The following MGA variants were observed in gnomAD, a reference collection of about 807,000 sequenced individuals.
The protein encoded by MGA is MAX dimerization protein MGA.
MGA carries 40 observed loss-of-function variants against 261.1 expected under a neutral mutation model. The observed-to-expected ratio is 0.15, with a 90% CI of 0.12 to 0.20. The LOEUF is 0.20. Among genes scored for constraint, MGA ranks in the 10% least tolerant of loss-of-function variants. MGA has a pLI of 1.00. For synonymous variants in MGA, 1,302 were observed against 1,290.6 expected, an observed-to-expected ratio of 1.01 and a Z score of -0.19; for missense variants, 3,397 against 3,630.5, an observed-to-expected ratio of 0.94 and a Z score of 1.65.
intron 7 of MGA, 53 bp downstream of exon 7, chr15:41,708,261 CT>C: frequency 2.4e-6 from 3 of 1,262,398 alleles, no homozygotes; most frequent in Non-Finnish European, 3.3e-6. Context: ...AGCCAGAAAC[CT>C]TTTGTTAAAA....
intron 2 of MGA, chr15:41,691,592 T>C (rs377390756): frequency 3.6e-5 from 18 of 503,304 alleles, no homozygotes; most frequent in African/African-American, 5.8e-5. Flanking sequence ...AGAACTGATA[T>C]ATTTGTCTTA....
At chr15:41,759,548 T>A (rs1293039312) in intron 19 of MGA, among the ~76,000 whole-genome samples, 1 of 145,176 alleles carries the variant, frequency 6.9e-6, no homozygotes, top group Admixed American at 7.0e-5. Flanking sequence ...AGTGATCCCC[T>A]ACCTTGGCGT....
At chr15:41,757,890 A>G (rs2063234748) in intron 19 of MGA, 51 bp downstream of exon 19, 3 of 1,474,312 alleles carry the variant, frequency 2.0e-6, no homozygotes, top group South Asian at 1.2e-5. Flanking sequence ...AATTGTTAAC[A>G]TTTATCTTAG....
chr15:41,661,345 G>GC (rs543970577), intron 1 of MGA, among the ~76,000 whole-genome samples: 1,208 of 84,172 alleles, frequency 0.014, 12 homozygotes, highest in African/African-American at 0.049. Context: ...CCCCCCCACC[G>GC]CCCCCCCAAA....
rs1473081358 is a variant in MGA, at chr15:41,742,702, T to A, written c.4742T>A (p.Val1581Glu). 1 of 1,613,914 alleles carries A rather than the reference T, an allele frequency of 6.2e-7. No individual in the cohort carries two copies. The highest frequency in any genetic ancestry group is 8.5e-7 in the Non-Finnish European group (1 of 1,179,904). ...TCTCCAGTAATGGTCGTCACACCTG[T>A]GGTTTCTTCTGAGCCAGTTCAGGTG... is the stretch of plus-strand genomic sequence containing the variant. Residue 1581 changes from valine to glutamate, a missense_variant, in exon 15 of 24, where the codon GTG (valine) becomes GAG (glutamate). This residue lies in a region of MGA where 1,410 missense variants were observed against 1,386.4 expected (regional missense o/e 1.02). Coordinates refer to ENST00000219905, the MANE Select transcript of MGA (RefSeq NM_001164273.2).
At chr15:41,689,195 C>G (rs183935362) in intron 2 of MGA, among the ~76,000 whole-genome samples, 1 of 151,980 alleles carries the variant, frequency 6.6e-6, no homozygotes, top group Admixed American at 6.6e-5. Flanking sequence ...GTGATATAAG[C>G]CTCTAAACCT....
chr15:41,693,902 G>T (rs1167355300), intron 2 of MGA, among the ~76,000 whole-genome samples: 21 of 152,060 alleles, frequency 1.4e-4, no homozygotes, highest in Non-Finnish European at 4.4e-5. Context: ...CTCGATTATT[G>T]GGGATATTTA....
intron 2 of MGA, among the ~76,000 whole-genome samples, chr15:41,687,441 T>C (rs2059027982): frequency 6.6e-6 from 1 of 152,214 alleles, no homozygotes; most frequent in Admixed American, 6.5e-5. Context: ...GTATTGTCTG[T>C]AGCTTGAGTA....
intron 19 of MGA, among the ~76,000 whole-genome samples, chr15:41,758,499 A>T (rs1000844376): frequency 1.3e-5 from 2 of 152,178 alleles, no homozygotes; most frequent in African/African-American, 4.8e-5. Context: ...TATATGATAC[A>T]GCGTATTTGC....
intron 20 of MGA, 91 bp from the exon 21 acceptor site, chr15:41,761,648 G>C (rs954448711): frequency 1.8e-5 from 12 of 659,304 alleles, no homozygotes; most frequent in Non-Finnish European, 2.4e-5. Context: ...GTCAGATTAA[G>C]TTTTTTTTCA....
chr15:41,761,458 A>G (rs766132578), intron 20 of MGA, among the ~76,000 whole-genome samples: 81 of 152,354 alleles, frequency 5.3e-4, no homozygotes, highest in Admixed American at 3.2e-3. Flanking sequence ...TAAGCAGAGC[A>G]CAGGTGTTTT....
At chr15:41,656,377 T>TCTCTCTCTCTCTCACA (rs1555403733), upstream of MGA, among the ~76,000 whole-genome samples, 1,035 of 67,862 alleles carry the variant, frequency 0.015, 41 homozygotes, top group Non-Finnish European at 0.026. Flanking sequence ...TCTCTCTCTC[T>TCTCTCTCTCTCTCACA]CACACCCAGG....
intron 1 of MGA, among the ~76,000 whole-genome samples, chr15:41,629,453 C>T (rs776603434): frequency 1.3e-5 from 2 of 152,018 alleles, no homozygotes; most frequent in Admixed American, 1.3e-4. Flanking sequence ...ATTCTAGAGC[C>T]TAGGGTCAAG....
At position 41,749,234 on chromosome 15, in the gene MGA, C is replaced by A. The variant is rs757639762; in HGVS notation, c.5627C>A (p.Ala1876Glu). The A allele has an allele frequency of 6.2e-7, 1 of 1,614,038 alleles. No homozygotes were observed. Among genetic ancestry groups the A allele is most frequent in the Non-Finnish European group, 8.5e-7 (1 of 1,179,902 alleles). The change falls in exon 17 of 24, where the codon GCA (alanine) becomes GAA (glutamate). Residue 1876 changes from alanine (A) to glutamate (E), a missense_variant. Around this residue, in one of 9 missense-constraint regions of MGA, gnomAD observed 1,410 missense variants for 1,386.4 expected, o/e 1.02. Coordinates refer to ENST00000219905, the MANE Select transcript of MGA (RefSeq NM_001164273.2). ...ATTCAAGCTGTTGGGTCTTCTTCAG[C>A]AGTGAATGTTATCACTCAGGCACCA...
At chr15:41,754,673 C>A (rs1883556890) in intron 18 of MGA, 106 bp downstream of exon 18, 1 of 1,281,266 alleles carries the variant, frequency 7.8e-7, no homozygotes, top group Admixed American at 3.3e-5. Flanking sequence ...GTTCCTTCTT[C>A]CTCTAGCTTT....
chr15:41,694,570 A>G lies in MGA; in HGVS notation c.1065-1505A>G, dbSNP rs563861917. Among the ~76,000 whole-genome samples the G allele has an allele frequency of 2.7e-3, 397 of 148,818 alleles. 2 individuals carry two copies. Among genetic ancestry groups the G allele is most frequent in the Non-Finnish European group, 4.7e-3 (316 of 67,444 alleles). ...GAGACGGAGTCTTGCTCAGTTGCCCAGGCTGGAGTGCAGTGGCACGATCTC... is the reference window on the plus strand; with the variant it reads ...GAGACGGAGTCTTGCTCAGTTGCCCGGGCTGGAGTGCAGTGGCACGATCTC... On this transcript the variant is annotated intron_variant, in intron 2 of 23. Coordinates refer to ENST00000219905, the MANE Select transcript of MGA (RefSeq NM_001164273.2).
chr15:41,728,271 T>G (rs1015106496), intron 10 of MGA, among the ~76,000 whole-genome samples: 2 of 152,080 alleles, frequency 1.3e-5, no homozygotes, highest in Admixed American at 1.3e-4. Context: ...GCGGAGGTTG[T>G]GGTGAGCCGA....
At chr15:41,649,846 A>T (rs2057005971) in intron 1 of MGA, among the ~76,000 whole-genome samples, 1 of 151,872 alleles carries the variant, frequency 6.6e-6, no homozygotes, top group Non-Finnish European at 1.5e-5. Flanking sequence ...CACCTGGCTA[A>T]TTTTTTTTAT....
chr15:41,631,221 A>G lies in MGA; in HGVS notation c.-68+9923A>G, dbSNP rs548485750. Among the ~76,000 whole-genome samples the G allele has an allele frequency of 2.0e-5, 3 of 152,340 alleles. No individual in the cohort carries two copies. The South Asian group carries it at 6.2e-4, about 32-fold the overall frequency. The stretch of plus-strand genomic sequence containing the variant: ...ATATGCAGTCTTATATCAGTTTTCA[A>G]CATTTTAATTTGACTTGAAGTTCTG... On this transcript the variant is annotated intron_variant, in intron 1 of 8. Transcript: ENST00000566718.
Sources: allele counts gnomAD v4.1 joint callset (sites outside exome capture counted in the v4.1 genomes callset), GRCh38; gene constraint gnomAD v4.1.1; regional missense constraint gnomAD v4.1.1; transcripts MANE v1.5; gene names NCBI Gene and HGNC (gene_info 2026-07-23, HGNC 2026-07-21).